The following PARP4 variants were observed in gnomAD, a reference collection of about 807,000 sequenced individuals.
PARP4 encodes the protein protein mono-ADP-ribosyltransferase PARP4.
Under a neutral mutation model 187.7 loss-of-function variants are expected in PARP4, and 120 were observed. That is an observed-to-expected ratio of 0.64 (90% CI 0.55 to 0.74). PARP4 has a LOEUF of 0.74. Ranked by LOEUF, PARP4 falls within the 30% of genes least tolerant of loss-of-function variation. The pLI is 0.00. For synonymous variants in PARP4, 654 were observed against 740.9 expected (o/e 0.88, Z 1.90); for missense variants, 1,836 against 2,070.5 (o/e 0.89, Z 2.20).
chr13:24,473,181 C>T (rs974764094), intron 15 of PARP4, among the ~76,000 whole-genome samples: 2 of 152,126 alleles, frequency 1.3e-5, no homozygotes, highest in African/African-American at 4.8e-5. Flanking sequence ...CTCAGCCTCC[C>T]TCCCAACGTC....
Position 24,486,234 on chromosome 13 carries a change from T to A in PARP4, c.1286A>T (p.Lys429Ile). 6.2e-7 allele frequency: 1 copy of A among 1,613,710 alleles called. No individual in the cohort carries two copies. The highest frequency in any genetic ancestry group is 8.5e-7 in the Non-Finnish European group (1 of 1,179,626). The change falls in exon 11 of 34, where the codon AAA (lysine) becomes ATA (isoleucine). Residue 429 changes from lysine to isoleucine, a missense_variant. Coordinates refer to ENST00000381989, the MANE Select transcript of PARP4 (RefSeq NM_006437.4). Reference sequence around the variant, plus strand: ...CAACAAGGGCCTCACATTACCAAGTTTGCTCAAAAACTCTGTGGTTTCATT... The same window carrying A: ...CAACAAGGGCCTCACATTACCAAGTATGCTCAAAAACTCTGTGGTTTCATT... ...RVNETTEFLSKLGNVRPLLHG... is the reference protein window; with the variant it reads ...RVNETTEFLSILGNVRPLLHG...
At chr13:24,500,451 G>A in intron 3 of PARP4, 69 bp from the exon 4 acceptor site, 1 of 960,888 alleles carries the variant, frequency 1.0e-6, no homozygotes, top group Non-Finnish European at 1.6e-6. Flanking sequence ...TAACCTAAGT[G>A]CTGGAATTGT....
At chr13:24,455,860 C>G (rs1430681962) in intron 21 of PARP4, among the ~76,000 whole-genome samples, 1 of 151,936 alleles carries the variant, frequency 6.6e-6, no homozygotes, top group Admixed American at 6.6e-5. Flanking sequence ...TGAGCTCAAG[C>G]AATCCATCTG....
At chr13:24,449,027 A>G (rs991534290) in intron 25 of PARP4, among the ~76,000 whole-genome samples, 1 of 152,228 alleles carries the variant, frequency 6.6e-6, no homozygotes, top group African/African-American at 2.4e-5. Context: ...CTGATGAAAC[A>G]GTTTGAAGAT....
Position 24,456,429 on chromosome 13 carries a change from T to TC in PARP4, c.2473dup (p.Asp825GlyfsTer22). 1 of 1,610,238 alleles carries TC rather than the reference T, an allele frequency of 6.2e-7. No individual in the cohort carries two copies. On this transcript the variant is annotated frameshift_variant, in exon 21 of 34. Coordinates refer to ENST00000381989, the MANE Select transcript of PARP4 (RefSeq NM_006437.4). LOFTEE classifies it high-confidence loss of function. ...GATGTGGAGAGAAAATCCACTGCTGTCTAAGGAGCTGCCTTCCATGGTGCT... is the reference window on the plus strand; with the variant it reads ...GATGTGGAGAGAAAATCCACTGCTGTCCTAAGGAGCTGCCTTCCATGGTGCT...
At chr13:24,432,389 T>TG (rs1870386627) in intron 31 of PARP4, among the ~76,000 whole-genome samples, 1 of 151,986 alleles carries the variant, frequency 6.6e-6, no homozygotes, top group African/African-American at 2.4e-5. Context: ...GAAATATGAT[T>TG]GACATACAAA....
chr13:24,437,425 C>T (rs1870687112), intron 30 of PARP4, among the ~76,000 whole-genome samples: 1 of 151,942 alleles, frequency 6.6e-6, no homozygotes, highest in Admixed American at 6.6e-5. Flanking sequence ...TAAGCAACAT[C>T]AAAATAACAT....
rs767158905 is a variant in PARP4, at chr13:24,434,687, T to A, written c.4454A>T (p.Glu1485Val). 3 of 1,614,020 alleles carry A rather than the reference T, an allele frequency of 1.9e-6. No homozygotes were observed. The highest frequency in any genetic ancestry group is 1.7e-6 in the Non-Finnish European group (2 of 1,180,014). Residue 1485 changes from glutamate to valine, a missense_variant, in exon 31 of 34, where the codon GAG (glutamate) becomes GTG (valine). Glu to Val is a moderately radical substitution (Grantham distance 121). This residue lies in a region of PARP4 where 450 missense variants were observed against 439.2 expected (regional missense o/e 1.02). Transcript: ENST00000381989. ...LRLPMASALP[E>V]ALCSQSRTTP... is the part of the protein sequence containing the mutation. ...AGTCCGGGACTGACTGCAAAGAGCC[T>A]CAGGTAAAGCAGAGGCCATTGGCAG... is the stretch of plus-strand genomic sequence containing the variant.
chr13:24,455,643 G>C (rs1214719520), intron 21 of PARP4, among the ~76,000 whole-genome samples: 1 of 135,292 alleles, frequency 7.4e-6, no homozygotes, highest in Non-Finnish European at 1.6e-5. Context: ...TTTGAGACAG[G>C]GTCTCCCTCT....
intron 24 of PARP4, among the ~76,000 whole-genome samples, chr13:24,450,772 C>T (rs1871473587): frequency 6.6e-6 from 1 of 152,210 alleles, no homozygotes; most frequent in South Asian, 2.1e-4. Flanking sequence ...AGAATGGATA[C>T]CACCCCCTCC....
intron 32 of PARP4, among the ~76,000 whole-genome samples, chr13:24,428,356 C>T (rs1201243368): frequency 6.6e-6 from 1 of 152,218 alleles, no homozygotes; most frequent in Non-Finnish European, 1.5e-5. Context: ...CTAGCACCTG[C>T]TCTGCTCAGT....
At chr13:24,495,814 C>A (rs138454691) in intron 6 of PARP4, among the ~76,000 whole-genome samples, 34 of 151,984 alleles carry the variant, frequency 2.2e-4, no homozygotes, top group African/African-American at 8.2e-4. Flanking sequence ...CCATTTAAGA[C>A]GGTAGAGTTT....
intron 1 of PARP4, among the ~76,000 whole-genome samples, chr13:24,504,993 C>A (rs905803300): frequency 2.7e-5 from 4 of 145,898 alleles, no homozygotes; most frequent in Non-Finnish European, 6.0e-5. Flanking sequence ...CCGCACCTGG[C>A]ACACCCCCGC....
chr13:24,483,877 T>C (rs1873412738), intron 12 of PARP4, among the ~76,000 whole-genome samples: 1 of 152,228 alleles, frequency 6.6e-6, no homozygotes, highest in African/African-American at 2.4e-5. Flanking sequence ...TCTACCTGCC[T>C]TGGCCTCCCA....
intron 3 of PARP4, among the ~76,000 whole-genome samples, chr13:24,500,824 G>C (rs975681768): frequency 6.6e-6 from 1 of 152,150 alleles, no homozygotes; most frequent in African/African-American, 2.4e-5. Context: ...ACACTATCTA[G>C]AGCATTGTGA....
chr13:24,510,511 G>A (rs1303497205), intron 1 of PARP4, among the ~76,000 whole-genome samples: 2 of 135,548 alleles, frequency 1.5e-5, no homozygotes. Context: ...CGGAGATCCC[G>A]CCACTGCACT....
chr13:24,435,561 T>C, intron 30 of PARP4, 87 bp from the exon 31 acceptor site: 1 of 1,370,616 alleles, frequency 7.3e-7, no homozygotes, highest in South Asian at 1.4e-5. Flanking sequence ...GCACTTGACT[T>C]CCCACCCATC....
intron 7 of PARP4, 31 bp downstream of exon 7, chr13:24,494,542 C>T: frequency 6.3e-7 from 1 of 1,577,894 alleles, no homozygotes; most frequent in Non-Finnish European, 8.6e-7. Context: ...AATATTCAAT[C>T]AACAACAAAA....
chr13:24,444,066 C>A (rs1280338034), intron 27 of PARP4, among the ~76,000 whole-genome samples: 2 of 152,214 alleles, frequency 1.3e-5, no homozygotes, highest in South Asian at 2.1e-4. Context: ...TTGAAAACTT[C>A]TTTTCTACCA....
Sources: gnomAD v4.1 joint callset for allele counts (sites outside exome capture counted in the v4.1 genomes callset) on GRCh38, gnomAD v4.1.1 for gene constraint, gnomAD v4.1.1 regional missense constraint, MANE v1.5 for transcripts, NCBI Gene and HGNC (gene_info 2026-07-23, HGNC 2026-07-21) for gene names.